VPS37B: variants seen among roughly 807,000 people sequenced by gnomAD.
VPS37B encodes the protein VPS37B subunit of ESCRT-I.
In VPS37B, 11 loss-of-function variants were observed where a neutral mutation model predicts 21.2. The observed-to-expected ratio is 0.52, with a 90% CI of 0.33 to 0.86. The LOEUF (loss-of-function observed/expected upper bound fraction) is 0.86. Among genes scored for constraint, VPS37B ranks in the 40% least tolerant of loss-of-function variants. The probability of loss-of-function intolerance (pLI) is 0.03; values close to 1 mark genes in which losing one functional copy is unlikely to be tolerated. For synonymous variants in VPS37B, 175 were observed against 159.6 expected, an observed-to-expected ratio of 1.10 and a Z score of -0.73; for missense variants, 389 against 374.8, an observed-to-expected ratio of 1.04 and a Z score of -0.31.
chr12:122,871,659 G>A (rs778206949), intron 1 of VPS37B: 21 of 985,462 alleles, frequency 2.1e-5, no homozygotes, highest in Non-Finnish European at 2.4e-5. Context: ...GAGCAAAGCC[G>A]ACCAAAAGCT....
Position 122,867,341 on chromosome 12 carries a change from T to TG in VPS37B, c.632dup (p.Pro212ThrfsTer122). On this transcript the variant is annotated frameshift_variant, in exon 4 of 4. Transcript: ENST00000267202. LOFTEE classifies it high-confidence loss of function. The surrounding 1 kb of genome is among the most constrained non-coding windows in gnomAD (Gnocchi z 5.5). ...CTAAGCGTCCCGCAGGCACCGGGGG[T>TG]GGTGGGGGGGGGATGCGCCGAGGTG... 2.9e-5 allele frequency: 11 copies of TG among 377,192 alleles called. No individual in the cohort carries two copies. Among genetic ancestry groups the TG allele is most frequent in the African/African-American group, 7.9e-5 (1 of 12,730 alleles). 23.4% of individuals were successfully genotyped at this position (377,192 alleles called of 1,614,324 possible). A position where few individuals can be genotyped will look rare whatever the true frequency, so the allele number is the denominator to read the frequency against.
rs1465617749 is a variant in VPS37B, at chr12:122,865,538, CGA to C, written c.*1576_*1577del. 6.6e-6 allele frequency: 1 copy of C among 152,286 alleles called. No individual in the cohort carries two copies. The highest frequency in any genetic ancestry group is 1.5e-5 in the Non-Finnish European group (1 of 68,070). 9.4% of individuals were successfully genotyped at this position (152,286 alleles called of 1,614,324 possible). ...ATGGGGGCGGGTGGCACCGCTCACT[CGA>C]GATTCACAGAACATGGCAAGCCCGC... On this transcript the variant is annotated 3_prime_UTR_variant, in exon 4 of 4. Coordinates refer to ENST00000267202, the MANE Select transcript of VPS37B (RefSeq NM_024667.3).
rs1228204373 is a variant in VPS37B, at chr12:122,865,331, TATTAATAATTCTCTA to T, written c.*1770_*1784del. 1 of 152,238 alleles carries T rather than the reference TATTAATAATTCTCTA, an allele frequency of 6.6e-6. No homozygotes were observed. Among genetic ancestry groups the T allele is most frequent in the Admixed American group, 6.5e-5 (1 of 15,290 alleles). The allele number at this position is 152,238 out of a possible 1,614,324, so 9.4% of individuals were successfully genotyped here. A position where few individuals can be genotyped will look rare whatever the true frequency, so the allele number is the denominator to read the frequency against. On this transcript the variant is annotated 3_prime_UTR_variant, in exon 4 of 4. Coordinates refer to ENST00000267202, the MANE Select transcript of VPS37B (RefSeq NM_024667.3). ...CCAAGTAAATAAGTGACAGGCCTGT[TATTAATAATTCTCTA>T]TTTATTAAAAAGGGTCCTACAGCTT...
chr12:122,869,584 A>G, intron 2 of VPS37B, among the ~76,000 whole-genome samples: 1 of 152,160 alleles, frequency 6.6e-6, no homozygotes, highest in South Asian at 2.1e-4. Context: ...GACAGACATC[A>G]CTGTAAACCT....
rs1442647029 is a variant in VPS37B at position 122,868,117 on chromosome 12, G to A, written c.366+363C>T. The stretch of plus-strand genomic sequence containing the variant: ...ACTCATTTCCTTATCGCCTGGCGAG[G>A]CTCAAGGCTCTAATGCGCAGCTGGA... On this transcript the variant is annotated intron_variant, in intron 3 of 3. Coordinates refer to ENST00000267202, the MANE Select transcript of VPS37B (RefSeq NM_024667.3). This position sits in a 1 kb window ranked among gnomAD's most constrained non-coding sequence, Gnocchi z 5.5. 6.6e-6 allele frequency among the ~76,000 whole-genome samples: 1 copy of A among 152,234 alleles called. No individual in the cohort carries two copies. The highest frequency in any genetic ancestry group is 1.5e-5 in the Non-Finnish European group (1 of 68,032).
At chr12:122,869,223 T>C (rs2033973412) in intron 2 of VPS37B, among the ~76,000 whole-genome samples, 1 of 152,244 alleles carries the variant, frequency 6.6e-6, no homozygotes, top group African/African-American at 2.4e-5. Context: ...AATTTTATTA[T>C]AAGGTAATAA....
chr12:122,885,964 T>C (rs2135709990), intron 1 of VPS37B: 1 of 152,178 alleles, frequency 6.6e-6, no homozygotes, highest in East Asian at 1.9e-4. Context: ...ATTACAGGCG[T>C]GAGCCACCGC....
rs771721255 is a variant in VPS37B at position 122,871,076 on chromosome 12, C to G, written c.112-15G>C. The G allele has an allele frequency of 1.9e-6, 3 of 1,612,706 alleles. No homozygotes were observed. The highest frequency in any genetic ancestry group is 3.3e-5 in the Admixed American group (2 of 59,872). The stretch of plus-strand genomic sequence containing the variant: ...ACATTCTGTGTCTGCAAGGAACACA[C>G]AAGATGATGAGAACCAAAAGTATAT... On this transcript the variant is annotated splice_polypyrimidine_tract_variant and intron_variant, in intron 1 of 3. Transcript: ENST00000267202.
chr12:122,892,998 T>A (rs2043774494), intron 1 of VPS37B, among the ~76,000 whole-genome samples: 1 of 151,498 alleles, frequency 6.6e-6, no homozygotes, highest in African/African-American at 2.4e-5. Flanking sequence ...GAGGCAGAGG[T>A]TGCAGTGCGC....
chr12:122,886,777 T>C (rs1449926875), intron 1 of VPS37B: 1 of 152,230 alleles, frequency 6.6e-6, no homozygotes, highest in Non-Finnish European at 1.5e-5. Context: ...CCAGGCATGG[T>C]GTAAAATAGT....
intron 1 of VPS37B, chr12:122,886,498 C>G (rs967982924): frequency 1.3e-5 from 2 of 152,092 alleles, no homozygotes; most frequent in African/African-American, 2.4e-5. Flanking sequence ...GGCAAGCGCC[C>G]GTAATCCCAG....
intron 1 of VPS37B, 140 bp downstream of exon 1, chr12:122,895,812 G>C: frequency 1.4e-4 from 61 of 447,576 alleles, no homozygotes; most frequent in South Asian, 2.5e-4. Context: ...CCCGCACCCC[G>C]CCCCAAGCGC....
chr12:122,888,625 A>ACGAC (rs1322151709), intron 1 of VPS37B: 1 of 455,854 alleles, frequency 2.2e-6, no homozygotes, highest in Non-Finnish European at 4.4e-6. Flanking sequence ...CACTCTGCAT[A>ACGAC]CGACCGACCG....
chr12:122,884,628 G>C (rs1475503961), intron 1 of VPS37B: 1 of 152,008 alleles, frequency 6.6e-6, no homozygotes, highest in Non-Finnish European at 1.5e-5. Flanking sequence ...CTGACCATGA[G>C]GGGTGTCAGT....
At position 122,867,626 on chromosome 12, in the gene VPS37B, T is replaced by C. The variant is rs749646819; in HGVS notation, c.367-19A>G. 1.3e-5 allele frequency: 21 copies of C among 1,610,362 alleles called. No homozygotes were observed. In the African/African-American group the frequency reaches 2.1e-4, roughly 16 times the overall value. The stretch of plus-strand genomic sequence containing the variant: ...CCATGTTCTGAAAGAGGCAGAAACC[T>C]GGTTACAGGGACAGCCAGATGGGGA... On this transcript the variant is annotated intron_variant, in intron 3 of 3. Coordinates refer to ENST00000267202, the MANE Select transcript of VPS37B (RefSeq NM_024667.3). This position sits in a 1 kb window ranked among gnomAD's most constrained non-coding sequence, Gnocchi z 5.5.
At chr12:122,871,836 C>T in intron 1 of VPS37B, 3 of 984,786 alleles carry the variant, frequency 3.0e-6, no homozygotes, top group Non-Finnish European at 3.6e-6. Flanking sequence ...CCTAGCAAAA[C>T]TTAGCCAAAG....
At chr12:122,875,198 T>TA (rs1392871114) in intron 1 of VPS37B, 7 of 150,666 alleles carry the variant, frequency 4.6e-5, no homozygotes, top group African/African-American at 1.7e-4. Flanking sequence ...TAGCTGGGAT[T>TA]ACAGGTGTGT....
intron 1 of VPS37B, 37 bp downstream of exon 1, chr12:122,895,915 G>T (rs770911515): frequency 6.3e-7 from 1 of 1,588,134 alleles, no homozygotes. Flanking sequence ...CCCGCTCGAG[G>T]CCTCACAGCC....
In VPS37B at chr12:122,871,683, G is replaced by A. The variant is rs539427621; in HGVS notation, c.112-622C>T. The A allele has an allele frequency of 8.9e-5, 88 of 985,604 alleles. No homozygotes were observed. The South Asian group carries it at 3.8e-3, about 42-fold the overall frequency. 61.1% of individuals were successfully genotyped at this position (985,604 alleles called of 1,614,324 possible). On this transcript the variant is annotated intron_variant, in intron 1 of 3. Transcript: ENST00000267202. ...CGACCAAAAGCTGGGGGAAGAGGGG[G>A]GACATATTTTGCCCATCAGGGATTT...
Sources: gnomAD v4.1 joint callset for allele counts (sites outside exome capture counted in the v4.1 genomes callset) on GRCh38, gnomAD v4.1.1 for gene constraint, Gnocchi (gnomAD v3.1) non-coding constraint, MANE v1.5 for transcripts, NCBI Gene and HGNC (gene_info 2026-07-23, HGNC 2026-07-21) for gene names.